The following ADARB2 variants were observed in gnomAD, a reference collection of about 807,000 sequenced individuals.
ADARB2 encodes inactive double-stranded RNA-specific editase B2.
In ADARB2, 25 loss-of-function variants were observed where a neutral mutation model predicts 62.2. The ratio of observed to expected loss-of-function variants is 0.40; its 90% CI spans 0.29 to 0.56. ADARB2 has a LOEUF of 0.56. Ranked by LOEUF, ADARB2 falls within the 20% of genes least tolerant of loss-of-function variation. The pLI, the probability that ADARB2 is intolerant of heterozygous loss-of-function variation, is 0.43. For missense variants in ADARB2, 1,071 were observed against 1,077.4 expected (o/e 0.99, Z 0.08); for synonymous variants, 572 against 500.8 (o/e 1.14, Z -1.90).
intron 1 of ADARB2, among the ~76,000 whole-genome samples, chr10:1,549,756 G>A (rs1024164391): frequency 3.3e-5 from 5 of 152,220 alleles, no homozygotes; most frequent in African/African-American, 1.2e-4. Context: ...GATATCACAG[G>A]GTGCCCAGCG....
At chr10:1,254,791 C>A (rs111662263) in intron 4 of ADARB2, among the ~76,000 whole-genome samples, 3 of 152,232 alleles carry the variant, frequency 2.0e-5, no homozygotes, top group African/African-American at 7.2e-5. Context: ...TTCTCTTGAG[C>A]GTTGCACACA....
chr10:1,684,707 T>C (rs1834578864), intron 1 of ADARB2, among the ~76,000 whole-genome samples: 1 of 152,234 alleles, frequency 6.6e-6, no homozygotes, highest in Non-Finnish European at 1.5e-5. Context: ...AATTATTAAA[T>C]GGTGCTGAGA....
chr10:1,406,943 A>G (rs1832712327), intron 1 of ADARB2, among the ~76,000 whole-genome samples: 1 of 152,104 alleles, frequency 6.6e-6, no homozygotes, highest in African/African-American at 2.4e-5. Flanking sequence ...GCCCATCCCC[A>G]TCCTCCCCAG....
At chr10:1,510,940 A>G (rs922095626) in intron 1 of ADARB2, among the ~76,000 whole-genome samples, 1 of 152,142 alleles carries the variant, frequency 6.6e-6, no homozygotes, top group African/African-American at 2.4e-5. Flanking sequence ...TGCAGCCTCA[A>G]CCTTCTGGCT....
chr10:1,467,945 C>T (rs1159218341), intron 1 of ADARB2, among the ~76,000 whole-genome samples: 1 of 152,142 alleles, frequency 6.6e-6, no homozygotes, highest in Non-Finnish European at 1.5e-5. Flanking sequence ...TCTAAATGCT[C>T]CCCCACCGCA....
chr10:1,697,653 TG>T (rs1834764294), intron 1 of ADARB2, among the ~76,000 whole-genome samples: 1 of 152,060 alleles, frequency 6.6e-6, no homozygotes, highest in African/African-American at 2.4e-5. Flanking sequence ...CAAGGGTGGG[TG>T]GGAAGAGAAA....
At chr10:1,422,585 A>C (rs1286206736) in intron 1 of ADARB2, among the ~76,000 whole-genome samples, 1 of 152,180 alleles carries the variant, frequency 6.6e-6, no homozygotes, top group Non-Finnish European at 1.5e-5. Context: ...CCCAGCCTGC[A>C]GGTCACATGT....
chr10:1,462,471 T>C (rs1831187532), intron 1 of ADARB2, among the ~76,000 whole-genome samples: 1 of 152,264 alleles, frequency 6.6e-6, no homozygotes, highest in African/African-American at 2.4e-5. Flanking sequence ...GGGATGAGGC[T>C]GGGGGCTTGA....
chr10:1,567,379 C>T (rs1373908212), intron 1 of ADARB2, among the ~76,000 whole-genome samples: 4 of 152,204 alleles, frequency 2.6e-5, no homozygotes, highest in Non-Finnish European at 4.4e-5. Flanking sequence ...TGGGTGGTGC[C>T]TGGATGTGGC....
chr10:1,626,640 C>T (rs913739870), intron 1 of ADARB2, among the ~76,000 whole-genome samples: 5 of 152,124 alleles, frequency 3.3e-5, no homozygotes, highest in African/African-American at 7.2e-5. Context: ...GTGATATTTC[C>T]GGGCTGCCCC....
chr10:1,414,086 G>A (rs564568548), intron 1 of ADARB2, among the ~76,000 whole-genome samples: 79 of 152,260 alleles, frequency 5.2e-4, no homozygotes, highest in Admixed American at 1.3e-3. Context: ...TCACCAGCTC[G>A]GCTCAGGGGG....
intron 1 of ADARB2, among the ~76,000 whole-genome samples, chr10:1,653,630 G>A (rs12767490): frequency 0.22 from 29,153 of 131,606 alleles, 2,945 homozygotes; most frequent in Admixed American, 0.26. Context: ...CTGCAGAGCC[G>A]CAGTGTCCAC....
intron 4 of ADARB2, among the ~76,000 whole-genome samples, chr10:1,267,904 A>G (rs1215144569): frequency 1.3e-5 from 2 of 152,186 alleles, no homozygotes; most frequent in African/African-American, 4.8e-5. Context: ...TCAAAAGACA[A>G]AGTAGAGAAG....
At chr10:1,307,316 A>G (rs1390702286) in intron 3 of ADARB2, among the ~76,000 whole-genome samples, 5 of 113,442 alleles carry the variant, frequency 4.4e-5, no homozygotes, top group African/African-American at 1.1e-4. Context: ...GCAGCCAAAA[A>G]ACACATGAAA....
chr10:1,355,492 G>A lies in ADARB2; in HGVS notation c.1077+7536C>T, dbSNP rs112516238. Among the ~76,000 whole-genome samples, 319 of 152,338 alleles carry A rather than the reference G, an allele frequency of 2.1e-3. 2 individuals are homozygous for A. The highest frequency in any genetic ancestry group is 7.2e-3 in the African/African-American group (300 of 41,568). ...ATTTTAAATGAGCGTTACTGTGCAT[G>A]TAAAGCACGTAGAATAATGTGTGAC... On this transcript the variant is annotated intron_variant, in intron 3 of 9. Coordinates refer to ENST00000381312, the MANE Select transcript of ADARB2 (RefSeq NM_018702.4).
chr10:1,242,309 C>A lies in ADARB2; in HGVS notation c.1193-10G>T. 1 of 1,545,792 alleles carries A rather than the reference C, an allele frequency of 6.5e-7. No homozygotes were observed. The highest frequency in any genetic ancestry group is 8.7e-7 in the Non-Finnish European group (1 of 1,146,590). On this transcript the variant is annotated splice_polypyrimidine_tract_variant and intron_variant, in intron 4 of 9. Coordinates refer to ENST00000381312, the MANE Select transcript of ADARB2 (RefSeq NM_018702.4). ...TGCCGAGCATCCAGGCCTGGGGACACAGATAGCATCAGAGCAGCGTGGCCC... is the reference window on the plus strand; with the variant it reads ...TGCCGAGCATCCAGGCCTGGGGACAAAGATAGCATCAGAGCAGCGTGGCCC...
At chr10:1,277,685 G>A (rs941086507) in intron 3 of ADARB2, among the ~76,000 whole-genome samples, 13 of 152,134 alleles carry the variant, frequency 8.5e-5, no homozygotes, top group African/African-American at 2.2e-4. Flanking sequence ...AGAAGGAGGA[G>A]CTGGTACCAT....
intron 1 of ADARB2, among the ~76,000 whole-genome samples, chr10:1,691,805 CCT>C (rs1834676276): frequency 1.3e-5 from 2 of 152,258 alleles, no homozygotes; most frequent in South Asian, 4.2e-4. Flanking sequence ...AGATATTAGC[CCT>C]GATTCCACTT....
At position 1,255,670 on chromosome 10, in the gene ADARB2, G is replaced by A. The variant is rs1831073434; in HGVS notation, c.1193-13371C>T. Among the ~76,000 whole-genome samples the A allele has an allele frequency of 6.6e-6, 1 of 152,250 alleles. No homozygotes were observed. The highest frequency in any genetic ancestry group is 6.5e-5 in the Admixed American group (1 of 15,292). On this transcript the variant is annotated intron_variant, in intron 4 of 9. Coordinates refer to ENST00000381312, the MANE Select transcript of ADARB2 (RefSeq NM_018702.4). The surrounding 1 kb of genome is among the most constrained non-coding windows in gnomAD (Gnocchi z 4.7). ...TGTCGGTGAGGTTAGAGGTAAGAGG[G>A]AGGAAACTGAGGAGATGCCAGTGAC...
Sources: allele counts gnomAD v4.1 joint callset (sites outside exome capture counted in the v4.1 genomes callset), GRCh38; gene constraint gnomAD v4.1.1; non-coding constraint Gnocchi (gnomAD v3.1); transcripts MANE v1.5; gene names NCBI Gene and HGNC (gene_info 2026-07-23, HGNC 2026-07-21).